TNRC6C: variants seen among roughly 807,000 people sequenced by gnomAD.
TNRC6C encodes trinucleotide repeat containing adaptor 6C.
In TNRC6C, 20 loss-of-function variants were observed where a neutral mutation model predicts 153.7. That is an observed-to-expected ratio of 0.13 (90% CI 0.09 to 0.19). The LOEUF (loss-of-function observed/expected upper bound fraction) is 0.19, where lower values mean the gene tolerates loss of function less well. Among genes scored for constraint, TNRC6C ranks in the 10% least tolerant of loss-of-function variants. The pLI, the probability that TNRC6C is intolerant of heterozygous loss-of-function variation, is 1.00. For synonymous variants in TNRC6C, 811 were observed against 841.4 expected (o/e 0.96, Z 0.63); for missense variants, 1,987 against 2,172.0 (o/e 0.91, Z 1.69).
At chr17:78,087,478 C>T in intron 13 of TNRC6C, among the ~76,000 whole-genome samples, 1 of 141,034 alleles carries the variant, frequency 7.1e-6, no homozygotes, top group South Asian at 2.4e-4. Context: ...AGTTTTGCCG[C>T]TGCCAATAAT....
chr17:78,030,451 G>A (rs995599026), intron 1 of TNRC6C, among the ~76,000 whole-genome samples: 1 of 152,032 alleles, frequency 6.6e-6, no homozygotes, highest in Admixed American at 6.6e-5. Flanking sequence ...TGGCAGGATG[G>A]TAGGTTTGTT....
intron 1 of TNRC6C, among the ~76,000 whole-genome samples, chr17:77,974,112 A>G (rs1389918349): frequency 6.6e-6 from 1 of 152,184 alleles, no homozygotes; most frequent in Non-Finnish European, 1.5e-5. Flanking sequence ...AAAACAGAAC[A>G]TGAAAAGTTA....
chr17:78,105,405 C>T (rs1269266940), exon 20 of TNRC6C: 1 of 152,314 alleles, frequency 6.6e-6, no homozygotes, highest in Non-Finnish European at 1.5e-5. Flanking sequence ...GCACATTACC[C>T]TTGTTTCATT....
chr17:77,962,820 GAC>G (rs768984726), intron 1 of TNRC6C, among the ~76,000 whole-genome samples: 1 of 152,232 alleles, frequency 6.6e-6, no homozygotes, highest in Non-Finnish European at 1.5e-5. Context: ...AAGTGTTGGT[GAC>G]ACAGTCTTTG....
At chr17:78,003,503 G>A (rs1015853968), upstream of TNRC6C, among the ~76,000 whole-genome samples, 2 of 152,162 alleles carry the variant, frequency 1.3e-5, no homozygotes, top group Non-Finnish European at 2.9e-5. Flanking sequence ...AAACTCAGTA[G>A]AAGGATTAGA....
chr17:77,969,491 C>G (rs1250906631), intron 1 of TNRC6C, among the ~76,000 whole-genome samples: 1 of 152,000 alleles, frequency 6.6e-6, no homozygotes, highest in East Asian at 1.9e-4. Context: ...CTCAGGTGAT[C>G]CACCTGCCTC....
intron 3 of TNRC6C, among the ~76,000 whole-genome samples, chr17:78,052,264 A>G (rs1721580584): frequency 6.6e-6 from 1 of 152,190 alleles, no homozygotes; most frequent in South Asian, 2.1e-4. Context: ...GAGAGGGAGC[A>G]TGCATTAGCC....
chr17:78,029,383 A>AG (rs1471567943), intron 1 of TNRC6C, among the ~76,000 whole-genome samples: 2 of 152,264 alleles, frequency 1.3e-5, no homozygotes, highest in Non-Finnish European at 2.9e-5. Context: ...GCATGTTACT[A>AG]TACTGAATAC....
intron 1 of TNRC6C, among the ~76,000 whole-genome samples, chr17:78,024,954 C>T (rs2071910071): frequency 6.6e-6 from 1 of 151,314 alleles, no homozygotes. Flanking sequence ...CCATGACGCC[C>T]AGCTAATTTT....
At chr17:78,073,184 T>A in intron 7 of TNRC6C, 90 bp downstream of exon 9, 1 of 1,171,772 alleles carries the variant, frequency 8.5e-7, no homozygotes, top group Non-Finnish European at 1.2e-6. Flanking sequence ...GTTTAATGGT[T>A]AATATGTCCT....
Position 78,043,290 on chromosome 17 carries a change from G to A in TNRC6C, c.-218-5555G>A, listed in dbSNP as rs377129562. 4.6e-5 allele frequency among the ~76,000 whole-genome samples: 7 copies of A among 152,348 alleles called. 1 individual carries two copies. Among genetic ancestry groups the A allele is most frequent in the African/African-American group, 1.4e-4 (6 of 41,588 alleles). Reference sequence around the variant, plus strand: ...ATGTACCAGGCCACAGTGTGGCCCCGAGGCTGCAGCCTATCCCAAGAAGTG... The same window carrying A: ...ATGTACCAGGCCACAGTGTGGCCCCAAGGCTGCAGCCTATCCCAAGAAGTG... On this transcript the variant is annotated intron_variant, in intron 2 of 19. Coordinates refer to ENST00000301624, the Ensembl canonical transcript of TNRC6C.
rs531151974 is a variant in TNRC6C at position 78,101,909 on chromosome 17, A to G, written c.4502-565A>G. On this transcript the variant is annotated intron_variant, in intron 17 of 19. Coordinates refer to ENST00000301624, the Ensembl canonical transcript of TNRC6C. ...TCATGAACATGTCACAGTGCTGCAG[A>G]GAGTTTTTTTTATGGCCAGTTTTGG... Among the ~76,000 whole-genome samples the G allele has an allele frequency of 6.2e-5, 9 of 144,816 alleles. No homozygotes were observed. The East Asian group carries it at 2.0e-3, about 33-fold the overall frequency.
rs765653484 is a variant in TNRC6C at position 78,104,470 on chromosome 17, A to G, written c.4713-15A>G. 2 of 1,480,636 alleles carry G rather than the reference A, an allele frequency of 1.4e-6. No homozygotes were observed. The highest frequency in any genetic ancestry group is 4.6e-5 in the Admixed American group (2 of 43,866). The allele number at this position is 1,480,636 out of a possible 1,614,324, so 91.7% of individuals were successfully genotyped here. Reference sequence around the variant, plus strand: ...TGGGGTGGCCCTGTTCACGTGCCCCATCTTGCTGTTGCAGGTGCGTCCTGG... The same window carrying G: ...TGGGGTGGCCCTGTTCACGTGCCCCGTCTTGCTGTTGCAGGTGCGTCCTGG... On this transcript the variant is annotated splice_polypyrimidine_tract_variant and intron_variant, in intron 19 of 19. Transcript: ENST00000301624. This position sits in a 1 kb window ranked among gnomAD's most constrained non-coding sequence, Gnocchi z 6.2.
rs1598761616 is a variant in TNRC6C, at chr17:78,075,462, A to G, written c.3060+184A>G. 1.4e-6 allele frequency: 1 copy of G among 696,604 alleles called. No homozygotes were observed. Among genetic ancestry groups the G allele is most frequent in the Non-Finnish European group, 2.3e-6 (1 of 439,646 alleles). The allele number at this position is 696,604 out of a possible 1,614,324, so 43.2% of individuals were successfully genotyped here. A position where few individuals can be genotyped will look rare whatever the true frequency, so the allele number is the denominator to read the frequency against. Reference sequence around the variant, plus strand: ...AGAAGGGAATGTCGTATTTCATAAGATGTTACTGAGAATGAAAAAGACTGG... The same window carrying G: ...AGAAGGGAATGTCGTATTTCATAAGGTGTTACTGAGAATGAAAAAGACTGG... On this transcript the variant is annotated intron_variant, in intron 8 of 19. Transcript: ENST00000301624. The surrounding 1 kb of genome is among the most constrained non-coding windows in gnomAD (Gnocchi z 4.2).
At chr17:78,094,252 A>C (rs2073443433) in intron 16 of TNRC6C, among the ~76,000 whole-genome samples, 1 of 151,760 alleles carries the variant, frequency 6.6e-6, no homozygotes, top group African/African-American at 2.4e-5. Flanking sequence ...TTGATAAGTA[A>C]TGTCTTATCA....
upstream of TNRC6C, among the ~76,000 whole-genome samples, chr17:77,958,535 G>A (rs1375115692): frequency 6.6e-6 from 1 of 152,078 alleles, no homozygotes; most frequent in Non-Finnish European, 1.5e-5. Flanking sequence ...GCGCGGGGGA[G>A]GAGCTCAGGT....
Position 78,092,551 on chromosome 17 carries a change from G to A in TNRC6C, c.3971-382G>A, listed in dbSNP as rs79364228. On this transcript the variant is annotated intron_variant, in intron 14 of 19. Transcript: ENST00000301624. ...GACAAACTGAAATTGTTCTTCAAGG[G>A]TTTCAATCTTTCAGGGCTGAAATTG... Among the ~76,000 whole-genome samples the A allele has an allele frequency of 5.9e-4, 90 of 152,228 alleles. 1 individual carries two copies. The East Asian group carries it at 0.012, about 20-fold the overall frequency.
Position 77,998,359 on chromosome 17 carries a change from T to C in TNRC6C, c.-37-5811T>C, listed in dbSNP as rs186495766. Reference sequence around the variant, plus strand: ...GGTATTCACAGAGCTTTTTGACTTATAAATTTATGTATATCACCAAATATG... The same window carrying C: ...GGTATTCACAGAGCTTTTTGACTTACAAATTTATGTATATCACCAAATATG... On this transcript the variant is annotated intron_variant, in intron 1 of 22. Coordinates refer to the TNRC6C transcript ENST00000636222. Among the ~76,000 whole-genome samples, 247 of 152,366 alleles carry C rather than the reference T, an allele frequency of 1.6e-3. 1 individual carries two copies. The highest frequency in any genetic ancestry group is 0.014 in the Middle Eastern group (4 of 294).
intron 1 of TNRC6C, among the ~76,000 whole-genome samples, chr17:78,015,338 A>G (rs1352449108): frequency 6.6e-6 from 1 of 152,240 alleles, no homozygotes; most frequent in East Asian, 1.9e-4. Flanking sequence ...TTATACATCA[A>G]TTGTAAGGGG....
Sources: gnomAD v4.1 joint callset for allele counts (sites outside exome capture counted in the v4.1 genomes callset) on GRCh38, gnomAD v4.1.1 for gene constraint, Gnocchi (gnomAD v3.1) non-coding constraint, MANE v1.5 for transcripts, NCBI Gene and HGNC (gene_info 2026-07-23, HGNC 2026-07-21) for gene names.